The following PRMT8 variants were observed in gnomAD, a reference collection of about 807,000 sequenced individuals.
PRMT8 encodes protein arginine N-methyltransferase 8.
In PRMT8, 7 loss-of-function variants were observed where a neutral mutation model predicts 47.1. The observed-to-expected ratio is 0.15, with a 90% CI of 0.08 to 0.28. PRMT8 has a LOEUF of 0.28. Ranked by LOEUF, PRMT8 falls within the 10% of genes least tolerant of loss-of-function variation. PRMT8 has a pLI of 1.00. For missense variants in PRMT8, 237 were observed against 505.4 expected (o/e 0.47, Z 5.09); for synonymous variants, 188 against 186.5 (o/e 1.01, Z -0.07).
At position 3,593,006 on chromosome 12, in the gene PRMT8, C is replaced by T; in HGVS notation, c.1102-93C>T. 1.0e-6 allele frequency: 1 copy of T among 963,768 alleles called. No individual in the cohort carries two copies. The highest frequency in any genetic ancestry group is 2.5e-5 in the East Asian group (1 of 40,616). The allele number at this position is 963,768 out of a possible 1,614,324, so 59.7% of individuals were successfully genotyped here. On this transcript the variant is annotated intron_variant, in intron 9 of 9. Transcript: ENST00000382622. The surrounding 1 kb of genome is among the most constrained non-coding windows in gnomAD (Gnocchi z 4.8). ...CTTAAGACGCTGGTGCTACCCATCC[C>T]TGTGGTTCCAGGAGCAGGTGGTGCC... is the stretch of plus-strand genomic sequence containing the variant.
chr12:3,444,632 G>A (rs1190820832), intron 1 of PRMT8, among the ~76,000 whole-genome samples: 1 of 152,202 alleles, frequency 6.6e-6, no homozygotes, highest in Non-Finnish European at 1.5e-5. Context: ...AGGCATCCAG[G>A]TCATGCCAGT....
At chr12:3,563,675 C>T (rs940084661) in intron 4 of PRMT8, among the ~76,000 whole-genome samples, 5 of 152,008 alleles carry the variant, frequency 3.3e-5, no homozygotes, top group Non-Finnish European at 7.4e-5. Context: ...ACCCATTTGC[C>T]GGGTGAGGAA....
chr12:3,462,825 C>T (rs1865055668), intron 1 of PRMT8: 2 of 152,010 alleles, frequency 1.3e-5, no homozygotes, highest in Non-Finnish European at 2.9e-5. Flanking sequence ...AGAAACCAGT[C>T]TGTTAAGTCA....
chr12:3,388,582 A>G (rs2137044404), intron 1 of PRMT8, among the ~76,000 whole-genome samples: 1 of 152,194 alleles, frequency 6.6e-6, no homozygotes, highest in East Asian at 1.9e-4. Context: ...TTAGAGTCTC[A>G]CTATAACCCT....
At chr12:3,448,670 G>C (rs931941917) in intron 1 of PRMT8, among the ~76,000 whole-genome samples, 2 of 152,138 alleles carry the variant, frequency 1.3e-5, no homozygotes, top group Admixed American at 6.5e-5. Flanking sequence ...GATGGAGAGA[G>C]AGAAAAACAT....
intron 1 of PRMT8, among the ~76,000 whole-genome samples, chr12:3,452,316 A>AACAC (rs10630697): frequency 0.13 from 20,239 of 150,068 alleles, 1,561 homozygotes; most frequent in African/African-American, 0.2. Context: ...ACCTAAATTA[A>AACAC]ACACACACAC....
intron 1 of PRMT8, among the ~76,000 whole-genome samples, chr12:3,468,548 A>T (rs964705863): frequency 1.8e-4 from 27 of 152,216 alleles, no homozygotes; most frequent in African/African-American, 6.5e-4. Flanking sequence ...CATCAGGCCA[A>T]TTCCTGGATG....
intron 1 of PRMT8, among the ~76,000 whole-genome samples, chr12:3,517,309 C>T (rs1009238741): frequency 3.9e-5 from 6 of 152,124 alleles, no homozygotes; most frequent in South Asian, 2.1e-4. Context: ...CCTGGTGGCC[C>T]GTACAGAGAT....
chr12:3,517,937 G>T (rs1865821762), intron 1 of PRMT8, among the ~76,000 whole-genome samples: 1 of 152,004 alleles, frequency 6.6e-6, no homozygotes, highest in Non-Finnish European at 1.5e-5. Flanking sequence ...AGTGTGCGAA[G>T]CTTTAATTTT....
At chr12:3,489,534 C>A (rs1865353857), upstream of PRMT8, among the ~76,000 whole-genome samples, 1 of 152,094 alleles carries the variant, frequency 6.6e-6, no homozygotes, top group Non-Finnish European at 1.5e-5. Context: ...CCTTTGATTG[C>A]ACAAACACTG....
rs1867360435 is a variant in PRMT8, at chr12:3,593,546, C to T, written c.*364C>T. The T allele has an allele frequency of 7.3e-6, 2 of 274,054 alleles. No homozygotes were observed. Among genetic ancestry groups the T allele is most frequent in the Non-Finnish European group, 1.4e-5 (2 of 144,134 alleles). The allele number at this position is 274,054 out of a possible 1,614,324, so 17.0% of individuals were successfully genotyped here. A position where few individuals can be genotyped will look rare whatever the true frequency, so the allele number is the denominator to read the frequency against. ...TGCTGCGGGTGTCTAGGACAGATTG[C>T]TTCCACTAGAACCTGGAGACATAGC... On this transcript the variant is annotated 3_prime_UTR_variant, in exon 10 of 10. Coordinates refer to ENST00000382622, the MANE Select transcript of PRMT8 (RefSeq NM_019854.5). The surrounding 1 kb of genome is among the most constrained non-coding windows in gnomAD (Gnocchi z 4.8).
intron 1 of PRMT8, chr12:3,469,010 A>G: frequency 3.2e-6 from 1 of 309,602 alleles, no homozygotes; most frequent in South Asian, 3.4e-5. Flanking sequence ...CGTGCTGTCT[A>G]TTCACTGCAT....
At chr12:3,428,805 T>C (rs1864638026) in intron 1 of PRMT8, among the ~76,000 whole-genome samples, 1 of 152,040 alleles carries the variant, frequency 6.6e-6, no homozygotes, top group African/African-American at 2.4e-5. Context: ...TCTGTCTTTG[T>C]CTCTCTGTCT....
intron 1 of PRMT8, among the ~76,000 whole-genome samples, chr12:3,465,538 A>T (rs761878203): frequency 4.0e-5 from 6 of 151,768 alleles, no homozygotes; most frequent in Non-Finnish European, 8.8e-5. Context: ...AGAGTGGGCA[A>T]TTCTACTGGA....
rs1866811502 is a variant in PRMT8, at chr12:3,569,706, G to T, written c.712+142G>T. The T allele has an allele frequency of 2.8e-6, 2 of 714,908 alleles. No homozygotes were observed. The highest frequency in any genetic ancestry group is 3.5e-5 in the African/African-American group (2 of 56,934). The allele number at this position is 714,908 out of a possible 1,614,324, so 44.3% of individuals were successfully genotyped here. ...GAGCTTATCTGGGACCCTTTCTGGA[G>T]TCTGCTCTCTAAATGTTTCTATCTA... On this transcript the variant is annotated intron_variant, in intron 6 of 9. Transcript: ENST00000382622. This position sits in a 1 kb window ranked among gnomAD's most constrained non-coding sequence, Gnocchi z 8.2.
chr12:3,578,007 T>C (rs1441975273), intron 7 of PRMT8, among the ~76,000 whole-genome samples: 2 of 152,228 alleles, frequency 1.3e-5, no homozygotes, highest in Non-Finnish European at 2.9e-5. Context: ...CCAGTCCTTT[T>C]TGTATGCATT....
At chr12:3,398,791 C>T (rs2137049843) in intron 1 of PRMT8, among the ~76,000 whole-genome samples, 1 of 152,312 alleles carries the variant, frequency 6.6e-6, no homozygotes, top group Admixed American at 6.5e-5. Flanking sequence ...CAGGGTCAGT[C>T]ATGATGACGT....
intron 1 of PRMT8, among the ~76,000 whole-genome samples, chr12:3,439,713 A>G (rs770151345): frequency 7.9e-5 from 12 of 152,180 alleles, no homozygotes; most frequent in Non-Finnish European, 1.2e-4. Context: ...TCACATGAGA[A>G]ACAAAGGTGG....
chr12:3,491,050 C>A, upstream of PRMT8: 1 of 576,064 alleles, frequency 1.7e-6, no homozygotes, highest in Non-Finnish European at 2.2e-6. Flanking sequence ...GGAGTGGAGG[C>A]GGCCGAGACC....
Sources: gnomAD v4.1 joint callset for allele counts (sites outside exome capture counted in the v4.1 genomes callset) on GRCh38, gnomAD v4.1.1 for gene constraint, Gnocchi (gnomAD v3.1) non-coding constraint, MANE v1.5 for transcripts, NCBI Gene and HGNC (gene_info 2026-07-23, HGNC 2026-07-21) for gene names.